FOXP1: variants seen among roughly 807,000 people sequenced by gnomAD.
The protein encoded by FOXP1 is forkhead box protein P1.
FOXP1 carries 15 observed loss-of-function variants against 98.2 expected under a neutral mutation model. The ratio of observed to expected loss-of-function variants is 0.15; its 90% CI spans 0.10 to 0.24. FOXP1 has a LOEUF of 0.24. Among genes scored for constraint, FOXP1 ranks in the 10% least tolerant of loss-of-function variants. The pLI is 1.00. For synonymous variants in FOXP1, 371 were observed against 314.5 expected, an observed-to-expected ratio of 1.18 and a Z score of -1.90; for missense variants, 633 against 848.5, an observed-to-expected ratio of 0.75 and a Z score of 3.15.
At chr3:71,271,955 C>G (rs138010422) in intron 5 of FOXP1, among the ~76,000 whole-genome samples, 1 of 152,022 alleles carries the variant, frequency 6.6e-6, no homozygotes, top group African/African-American at 2.4e-5. Context: ...TTGGCAGGGG[C>G]GATGAATACA....
chr3:71,379,387 T>C (rs1165566324), intron 3 of FOXP1, among the ~76,000 whole-genome samples: 1 of 152,134 alleles, frequency 6.6e-6, no homozygotes, highest in Non-Finnish European at 1.5e-5. Context: ...AAAGTCTCAT[T>C]TGGGTGCTGG....
intron 7 of FOXP1, among the ~76,000 whole-genome samples, chr3:71,081,088 T>G (rs2054362996): frequency 6.6e-6 from 1 of 152,218 alleles, no homozygotes; most frequent in Non-Finnish European, 1.5e-5. Context: ...AAGTATATAC[T>G]GCTTAACGCT....
At chr3:71,540,221 A>C (rs1460768742) in intron 2 of FOXP1, among the ~76,000 whole-genome samples, 1 of 152,262 alleles carries the variant, frequency 6.6e-6, no homozygotes, top group Non-Finnish European at 1.5e-5. Context: ...TAGAAAGTTC[A>C]AGACAATGTC....
chr3:71,228,910 A>G (rs1270561700), intron 5 of FOXP1, among the ~76,000 whole-genome samples: 1 of 152,040 alleles, frequency 6.6e-6, no homozygotes, highest in African/African-American at 2.4e-5. Flanking sequence ...GAAACACAAA[A>G]GATGTTTAAA....
chr3:71,440,153 A>T (rs1443131018), intron 3 of FOXP1, among the ~76,000 whole-genome samples: 1 of 152,194 alleles, frequency 6.6e-6, no homozygotes, highest in Admixed American at 6.5e-5. Context: ...GTTATGCAAG[A>T]TGAGAAAGTT....
chr3:71,446,375 CATGTTCAAGA>C (rs2086446676), intron 3 of FOXP1, among the ~76,000 whole-genome samples: 2 of 151,996 alleles, frequency 1.3e-5, no homozygotes, highest in South Asian at 4.1e-4. Flanking sequence ...AGAGAAAAAG[CATGTTCAAGA>C]ATGAAGGAGT....
In FOXP1 at chr3:70,977,863, C is replaced by T. The variant is rs2037908174; in HGVS notation, c.1313G>A (p.Arg438Gln). Residue 438 changes from arginine to glutamine, a missense_variant, in exon 15 of 21, where the codon CGG (arginine) becomes CAG (glutamine). Transcript: ENST00000649528. ...GGGCACGTTGTATTTGTCTGAGTAC[C>T]GCCTGCGGATGGGTCCCACCGTGTG... ...SMHTVGPIRRRYSDKYNVPIS... is the reference protein window; with the variant it reads ...SMHTVGPIRRQYSDKYNVPIS... The T allele has an allele frequency of 6.2e-7, 1 of 1,614,102 alleles. No homozygotes were observed. The highest frequency in any genetic ancestry group is 8.5e-7 in the Non-Finnish European group (1 of 1,180,026).
chr3:71,406,186 A>C (rs964720020), intron 3 of FOXP1, among the ~76,000 whole-genome samples: 1 of 151,864 alleles, frequency 6.6e-6, no homozygotes, highest in Non-Finnish European at 1.5e-5. Context: ...AGGGCTTAAA[A>C]CAACACACAT....
At chr3:71,184,137 A>G (rs529449306) in intron 6 of FOXP1, among the ~76,000 whole-genome samples, 1 of 152,118 alleles carries the variant, frequency 6.6e-6, no homozygotes, top group Non-Finnish European at 1.5e-5. Flanking sequence ...GGGCAACAAG[A>G]GCAAGACTGT....
At chr3:71,329,987 T>A (rs1309073547) in intron 4 of FOXP1, among the ~76,000 whole-genome samples, 1 of 152,008 alleles carries the variant, frequency 6.6e-6, no homozygotes, top group Non-Finnish European at 1.5e-5. Flanking sequence ...GGTGGGAAGA[T>A]CTCTTGAGCC....
Position 70,963,581 on chromosome 3 carries a change from C to T in FOXP1, c.1889+2309G>A, listed in dbSNP as rs531600891. 4.1e-4 allele frequency among the ~76,000 whole-genome samples: 62 copies of T among 152,236 alleles called. 1 individual carries two copies. The South Asian group carries it at 9.7e-3, about 24-fold the overall frequency. On this transcript the variant is annotated intron_variant, in intron 20 of 20. Coordinates refer to ENST00000649528, the MANE Select transcript of FOXP1 (RefSeq NM_001349338.3). ...CAACTCCTACTTCCGAAAGGGCTAC[C>T]GCTGAATAACTGTGTGCAAAACCAC...
At chr3:71,548,757 G>T (rs1384734317) in intron 2 of FOXP1, among the ~76,000 whole-genome samples, 1 of 149,050 alleles carries the variant, frequency 6.7e-6, no homozygotes, top group African/African-American at 2.5e-5. Context: ...AACCAGACTT[G>T]GCCTTTACCC....
Position 71,445,768 on chromosome 3 carries a change from ACCCCCGCCT to A in FOXP1, c.-168+47649_-168+47657del, listed in dbSNP as rs1273836213. Among the ~76,000 whole-genome samples the A allele has an allele frequency of 3.4e-3, 508 of 150,770 alleles. 2 individuals are homozygous for A. The highest frequency in any genetic ancestry group is 0.012 in the African/African-American group (481 of 40,902). ...AGTGGCGCAATCTCAGCTCACTGCA[ACCCCCGCCT>A]CCTGGGTTCAAGTGATTCTCCTGCC... On this transcript the variant is annotated intron_variant, in intron 3 of 20. Coordinates refer to ENST00000649528, the MANE Select transcript of FOXP1 (RefSeq NM_001349338.3).
At position 71,263,882 on chromosome 3, in the gene FOXP1, C is replaced by T. The variant is rs148322004; in HGVS notation, c.-12+35938G>A. Among the ~76,000 whole-genome samples the T allele has an allele frequency of 3.3e-5, 5 of 151,726 alleles. No individual in the cohort carries two copies. In the East Asian group the frequency reaches 9.7e-4, roughly 29 times the overall value. On this transcript the variant is annotated intron_variant, in intron 5 of 20. Transcript: ENST00000649528. ...GACTCAGCCTCCTGAATAGCTGAGA[C>T]TACAGGCACATGCCACGACTCCCAG... is the stretch of plus-strand genomic sequence containing the variant.
intron 2 of FOXP1, among the ~76,000 whole-genome samples, chr3:71,507,931 G>T (rs539342754): frequency 6.6e-6 from 1 of 152,154 alleles, no homozygotes; most frequent in Non-Finnish European, 1.5e-5. Context: ...CAGCTGACAG[G>T]AATAAGCACA....
intron 6 of FOXP1, among the ~76,000 whole-genome samples, chr3:71,142,238 A>G (rs2060105765): frequency 6.6e-6 from 1 of 152,206 alleles, no homozygotes; most frequent in South Asian, 2.1e-4. Context: ...AATGTGTACC[A>G]TTTTTAAGGT....
At chr3:71,548,120 T>C (rs35030900) in intron 2 of FOXP1, among the ~76,000 whole-genome samples, 4,095 of 152,310 alleles carry the variant, frequency 0.027, 98 homozygotes, top group Middle Eastern at 0.048. Flanking sequence ...AATTCCAGCA[T>C]GGACAACACC....
At chr3:71,078,209 C>T (rs1297640824) in intron 7 of FOXP1, among the ~76,000 whole-genome samples, 1 of 152,126 alleles carries the variant, frequency 6.6e-6, no homozygotes, top group South Asian at 2.1e-4. Flanking sequence ...ACCTGTGGTG[C>T]GTTTCACATA....
chr3:71,377,892 G>GC (rs750484407), intron 3 of FOXP1, among the ~76,000 whole-genome samples: 7 of 152,240 alleles, frequency 4.6e-5, no homozygotes, highest in Non-Finnish European at 8.8e-5. Context: ...AATTTCCACA[G>GC]TTTTTGTCTA....
Sources: gnomAD v4.1 joint callset for allele counts (sites outside exome capture counted in the v4.1 genomes callset) on GRCh38, gnomAD v4.1.1 for gene constraint, MANE v1.5 for transcripts, NCBI Gene and HGNC (gene_info 2026-07-23, HGNC 2026-07-21) for gene names.